The following MYCBP2 variants were observed in gnomAD, a reference collection of about 807,000 sequenced individuals.
The protein encoded by MYCBP2 is E3 ubiquitin-protein ligase MYCBP2.
In MYCBP2, 120 loss-of-function variants were observed where a neutral mutation model predicts 525.3. That is an observed-to-expected ratio of 0.23 (90% CI 0.20 to 0.27). The LOEUF is 0.27. Ranked by LOEUF, MYCBP2 falls within the 10% of genes least tolerant of loss-of-function variation. The pLI is 1.00. For synonymous variants in MYCBP2, 1,894 were observed against 1,955.8 expected, an observed-to-expected ratio of 0.97 and a Z score of 0.83; for missense variants, 4,149 against 5,657.1, an observed-to-expected ratio of 0.73 and a Z score of 8.55.
Position 77,176,522 on chromosome 13 carries a change from C to T in MYCBP2, c.5447G>A (p.Arg1816Lys). 7.6e-6 allele frequency: 12 copies of T among 1,585,250 alleles called. No homozygotes were observed. Among genetic ancestry groups the T allele is most frequent in the Non-Finnish European group, 1.0e-5 (12 of 1,161,986 alleles). Reference sequence around the variant, plus strand: ...CTTTAAAGGAACCACTTTGTCAAGTCTGATCTCAGCTATATCACTGGGTGA... The same window carrying T: ...CTTTAAAGGAACCACTTTGTCAAGTTTGATCTCAGCTATATCACTGGGTGA... Reference protein sequence around the residue: ...DDSPSDIAEIRLDKVVPLKEN... With the variant: ...DDSPSDIAEIKLDKVVPLKEN... The change falls in exon 36 of 83, where the codon AGA becomes AAA. Residue 1816 changes from arginine (R) to lysine (K), a missense_variant. Arg to Lys is a conservative substitution (Grantham distance 26, BLOSUM62 2). This residue lies in a region of MYCBP2 where 109 missense variants were observed against 118.9 expected (regional missense o/e 0.92). Coordinates refer to ENST00000544440, the MANE Select transcript of MYCBP2 (RefSeq NM_015057.5).
intron 49 of MYCBP2, among the ~76,000 whole-genome samples, chr13:77,141,252 T>C (rs2154183917): frequency 6.6e-6 from 1 of 152,268 alleles, no homozygotes; most frequent in Non-Finnish European, 1.5e-5. Flanking sequence ...AATTAAATCT[T>C]ATCTGACAAT....
chr13:77,181,581 A>G, intron 33 of MYCBP2, 120 bp downstream of exon 33: 1 of 586,112 alleles, frequency 1.7e-6, no homozygotes, highest in Non-Finnish European at 2.9e-6. Flanking sequence ...ATAAGCACCA[A>G]GCTAAATACG....
chr13:77,326,406 T>G lies in MYCBP2; in HGVS notation c.302+68A>C. ...ACACGCAAGCACACACACACGCGGG[T>G]GCACGCGCGGCATGGGGCGCAAGGA... On this transcript the variant is annotated intron_variant, in intron 1 of 82. Transcript: ENST00000544440. This position sits in a 1 kb window ranked among gnomAD's most constrained non-coding sequence, Gnocchi z 4.2. 1 of 1,435,036 alleles carries G rather than the reference T, an allele frequency of 7.0e-7. No homozygotes were observed. The highest frequency in any genetic ancestry group is 9.2e-7 in the Non-Finnish European group (1 of 1,084,202). The allele number at this position is 1,435,036 out of a possible 1,614,324, so 88.9% of individuals were successfully genotyped here. A position where few individuals can be genotyped will look rare whatever the true frequency, so the allele number is the denominator to read the frequency against.
intron 17 of MYCBP2, among the ~76,000 whole-genome samples, chr13:77,236,901 G>T (rs994251163): frequency 1.3e-5 from 2 of 151,816 alleles, no homozygotes; most frequent in African/African-American, 4.8e-5. Context: ...ATAAATAAAA[G>T]AATAATGAAT....
intron 1 of MYCBP2, among the ~76,000 whole-genome samples, chr13:77,325,907 C>G (rs1230198865): frequency 1.3e-5 from 2 of 152,164 alleles, no homozygotes; most frequent in African/African-American, 2.4e-5. Flanking sequence ...GCAAACCTCA[C>G]GCCTATCCCT....
chr13:77,152,775 A>G (rs1315003375), intron 46 of MYCBP2, among the ~76,000 whole-genome samples: 2 of 152,040 alleles, frequency 1.3e-5, no homozygotes, highest in African/African-American at 2.4e-5. Context: ...GTTTGATAAA[A>G]TCCGCCGTGG....
intron 24 of MYCBP2, among the ~76,000 whole-genome samples, chr13:77,206,021 T>C (rs1436915318): frequency 6.6e-6 from 1 of 152,166 alleles, no homozygotes; most frequent in Non-Finnish European, 1.5e-5. Context: ...AACAAAGAGT[T>C]ATATTTATGA....
intron 38 of MYCBP2, among the ~76,000 whole-genome samples, chr13:77,170,403 G>T (rs1055591707): frequency 6.6e-6 from 1 of 152,100 alleles, no homozygotes; most frequent in Non-Finnish European, 1.5e-5. Context: ...CTGATTCCTA[G>T]GTCTGCTGTT....
intron 17 of MYCBP2, among the ~76,000 whole-genome samples, 195 bp from the exon 18 acceptor site, chr13:77,233,458 A>T (rs908366511): frequency 6.7e-5 from 10 of 149,100 alleles, no homozygotes; most frequent in South Asian, 6.6e-4. Context: ...ATAAAAGTTA[A>T]TATCTTAAAT....
chr13:77,117,442 C>G (rs757974760), intron 55 of MYCBP2, among the ~76,000 whole-genome samples: 2 of 152,056 alleles, frequency 1.3e-5, no homozygotes, highest in Non-Finnish European at 2.9e-5. Flanking sequence ...TAGCTACATA[C>G]TAACCTAGTT....
intron 20 of MYCBP2, among the ~76,000 whole-genome samples, chr13:77,221,462 C>T (rs1329064475): frequency 6.6e-6 from 1 of 152,160 alleles, no homozygotes; most frequent in Non-Finnish European, 1.5e-5. Flanking sequence ...TCATGCTGCT[C>T]ATTCTTCTGA....
chr13:77,199,471 G>A (rs1194062836), intron 26 of MYCBP2, among the ~76,000 whole-genome samples: 3 of 151,994 alleles, frequency 2.0e-5, no homozygotes, highest in East Asian at 1.9e-4. Context: ...GGGGAGGGGC[G>A]CCCGCCATTG....
At chr13:77,122,689 C>CAA (rs771487864) in intron 54 of MYCBP2, among the ~76,000 whole-genome samples, 3,770 of 52,238 alleles carry the variant, frequency 0.072, 307 homozygotes, top group African/African-American at 0.2. Flanking sequence ...GACTCCATCT[C>CAA]AAAAAAAAAA....
intron 58 of MYCBP2, among the ~76,000 whole-genome samples, chr13:77,093,944 G>A (rs974999938): frequency 2.6e-4 from 40 of 152,080 alleles, no homozygotes; most frequent in African/African-American, 8.7e-4. Flanking sequence ...CATTTTTCAC[G>A]TTTTACAATT....
chr13:77,071,310 A>AC (rs1417944112), intron 68 of MYCBP2, among the ~76,000 whole-genome samples: 1,806 of 85,896 alleles, frequency 0.021, 38 homozygotes, highest in African/African-American at 0.057. Flanking sequence ...CACACACACA[A>AC]ATCTTATCTA....
chr13:77,279,697 C>T (rs1442747803), intron 3 of MYCBP2, among the ~76,000 whole-genome samples: 1 of 152,108 alleles, frequency 6.6e-6, no homozygotes, highest in Non-Finnish European at 1.5e-5. Context: ...GATATTTTTG[C>T]ATTAATTCAT....
intron 21 of MYCBP2, 132 bp from the exon 22 acceptor site, chr13:77,212,292 A>G: frequency 1.5e-6 from 1 of 659,706 alleles, no homozygotes; most frequent in Non-Finnish European, 2.4e-6. Flanking sequence ...TTGGGTTTTT[A>G]AAATAAATAC....
intron 1 of MYCBP2, among the ~76,000 whole-genome samples, chr13:77,315,907 A>T (rs2080883266): frequency 6.6e-6 from 1 of 151,296 alleles, no homozygotes; most frequent in African/African-American, 2.4e-5. Flanking sequence ...AAAAAAAAAA[A>T]AAAAAAATTA....
chr13:77,317,836 C>T (rs988538724), intron 1 of MYCBP2, among the ~76,000 whole-genome samples: 2 of 152,094 alleles, frequency 1.3e-5, no homozygotes, highest in East Asian at 3.9e-4. Context: ...ACTCAGGAGG[C>T]TGAGGTAGGA....
Sources: gnomAD v4.1 joint callset for allele counts (sites outside exome capture counted in the v4.1 genomes callset) on GRCh38, gnomAD v4.1.1 for gene constraint, gnomAD v4.1.1 regional missense constraint, Gnocchi (gnomAD v3.1) non-coding constraint, MANE v1.5 for transcripts, NCBI Gene and HGNC (gene_info 2026-07-23, HGNC 2026-07-21) for gene names.